The following FGF1 variants were observed in gnomAD, a reference collection of about 807,000 sequenced individuals.
FGF1 encodes beta-endothelial cell growth factor.
Under a neutral mutation model 13.4 loss-of-function variants are expected in FGF1, and 9 were observed. The observed-to-expected ratio is 0.67, with a 90% CI of 0.40 to 1.17. FGF1 has a LOEUF of 1.17. Among genes scored for constraint, FGF1 ranks in the 50% most tolerant of loss-of-function variants. The probability of loss-of-function intolerance (pLI) is 0.01; values close to 1 mark genes in which losing one functional copy is unlikely to be tolerated. For synonymous variants in FGF1, 93 were observed against 79.0 expected (o/e 1.18, Z -0.94); for missense variants, 156 against 192.7 (o/e 0.81, Z 1.13).
At chr5:142,618,190 A>G (rs767533548) in intron 1 of FGF1, among the ~76,000 whole-genome samples, 1 of 152,124 alleles carries the variant, frequency 6.6e-6, no homozygotes, top group African/African-American at 2.4e-5. Flanking sequence ...GGAAATCCAG[A>G]TGATTTTTTT....
intron 1 of FGF1, among the ~76,000 whole-genome samples, chr5:142,674,745 T>C (rs907097006): frequency 1.3e-5 from 2 of 152,122 alleles, no homozygotes; most frequent in African/African-American, 4.8e-5. Context: ...GACTTTAAAG[T>C]GGCCAATTCA....
At chr5:142,666,245 C>CAA (rs368786696) in intron 1 of FGF1, among the ~76,000 whole-genome samples, 86,586 of 86,586 alleles carry the variant, frequency 1, 43,293 homozygotes, top group Non-Finnish European at 1. Flanking sequence ...CATAACCCCA[C>CAA]CAGAATGACT....
At chr5:142,676,278 T>C (rs758898613) in intron 1 of FGF1, among the ~76,000 whole-genome samples, 12 of 152,226 alleles carry the variant, frequency 7.9e-5, no homozygotes, top group Non-Finnish European at 5.9e-5. Context: ...CATATCTTAT[T>C]GAGCAAATAC....
intron 1 of FGF1, among the ~76,000 whole-genome samples, chr5:142,641,536 T>C (rs763899789): frequency 6.6e-6 from 1 of 152,064 alleles, no homozygotes; most frequent in African/African-American, 2.4e-5. Context: ...ACATCAATAA[T>C]GAAAATGAAA....
intron 1 of FGF1, among the ~76,000 whole-genome samples, chr5:142,668,838 A>C (rs553773788): frequency 2.2e-4 from 33 of 152,368 alleles, no homozygotes; most frequent in African/African-American, 7.7e-4. Flanking sequence ...CTAAGTCATA[A>C]ATACCATGAC....
chr5:142,646,932 T>C (rs997610443), intron 1 of FGF1, among the ~76,000 whole-genome samples: 1 of 152,136 alleles, frequency 6.6e-6, no homozygotes, highest in Non-Finnish European at 1.5e-5. Context: ...GATAAATCAA[T>C]CGGAGTTGAA....
chr5:142,668,385 C>T (rs1447330412), intron 1 of FGF1, among the ~76,000 whole-genome samples: 1 of 152,096 alleles, frequency 6.6e-6, no homozygotes, highest in African/African-American at 2.4e-5. Context: ...CTAAAGCTCC[C>T]GCATTCGTGA....
intron 1 of FGF1, among the ~76,000 whole-genome samples, chr5:142,675,143 C>A (rs1269567462): frequency 6.6e-6 from 1 of 152,200 alleles, no homozygotes; most frequent in East Asian, 1.9e-4. Context: ...CTGGATCCAC[C>A]CTGAACCAGC....
intron 2 of FGF1, among the ~76,000 whole-genome samples, chr5:142,613,267 A>C (rs1170146976): frequency 4.6e-5 from 7 of 152,230 alleles, no homozygotes; most frequent in Non-Finnish European, 8.8e-5. Flanking sequence ...GATAGTCAAG[A>C]AGATTCTTTT....
chr5:142,608,663 A>T (rs2151853915), intron 2 of FGF1, among the ~76,000 whole-genome samples: 1 of 145,778 alleles, frequency 6.9e-6, no homozygotes, highest in South Asian at 2.2e-4. Flanking sequence ...TTAAGGTCTG[A>T]AAAAGTTGTC....
chr5:142,623,109 T>C (rs964655361), intron 1 of FGF1, among the ~76,000 whole-genome samples: 4 of 151,260 alleles, frequency 2.6e-5, no homozygotes, highest in African/African-American at 9.9e-5. Flanking sequence ...AAAATTCTCC[T>C]TTTTTTTCCC....
At chr5:142,681,933 G>A (rs996183740) in intron 1 of FGF1, among the ~76,000 whole-genome samples, 1 of 152,210 alleles carries the variant, frequency 6.6e-6, no homozygotes, top group Non-Finnish European at 1.5e-5. Context: ...TCCAAAAGCT[G>A]TTCCATGTCT....
At chr5:142,615,405 G>A (rs1331938298) in intron 1 of FGF1, among the ~76,000 whole-genome samples, 6 of 152,158 alleles carry the variant, frequency 3.9e-5, no homozygotes, top group Non-Finnish European at 7.3e-5. Flanking sequence ...TATATTTTTA[G>A]TAGAGATGGG....
rs77284157 is a variant in FGF1, at chr5:142,612,617, C to CTT, written c.169+1340_169+1341dup. 2.7e-3 allele frequency among the ~76,000 whole-genome samples: 406 copies of CTT among 148,542 alleles called. 4 individuals are homozygous for CTT. In the East Asian group the frequency reaches 0.036, roughly 13 times the overall value. ...TGTATGCTATTTAACAAACTAGAGT[C>CTT]TTTTTTTTTTGCCTCATTCTGACAC... On this transcript the variant is annotated intron_variant, in intron 2 of 3. Transcript: ENST00000337706.
chr5:142,610,874 C>A (rs1432822402), intron 2 of FGF1, among the ~76,000 whole-genome samples: 1 of 152,182 alleles, frequency 6.6e-6, no homozygotes, highest in East Asian at 1.9e-4. Context: ...CTTGGAAACT[C>A]ATTCTCCTAG....
chr5:142,626,392 G>A (rs1329272469), intron 1 of FGF1, among the ~76,000 whole-genome samples: 1 of 152,204 alleles, frequency 6.6e-6, no homozygotes, highest in Non-Finnish European at 1.5e-5. Context: ...AATATTAAAA[G>A]TAATGGCAAA....
chr5:142,684,407 TTG>T (rs1399276418), intron 1 of FGF1, among the ~76,000 whole-genome samples: 8 of 152,232 alleles, frequency 5.3e-5, no homozygotes, highest in Non-Finnish European at 1.5e-5. Flanking sequence ...AAGAAACTCA[TTG>T]TGTTTTCTCT....
intron 1 of FGF1, among the ~76,000 whole-genome samples, chr5:142,663,542 A>G (rs1202774101): frequency 6.6e-6 from 1 of 152,198 alleles, no homozygotes; most frequent in Non-Finnish European, 1.5e-5. Context: ...TTGGAAAGAT[A>G]GCCAAGAGGT....
Position 142,646,372 on chromosome 5 carries a change from G to T in FGF1, c.-34-32211C>A, listed in dbSNP as rs139777208. The stretch of plus-strand genomic sequence containing the variant: ...CCGTGCCCAGCTAATTTTTTTTTGA[G>T]AGGAGACTTGCTCTGTCCCCCAGAC... On this transcript the variant is annotated intron_variant, in intron 1 of 3. Transcript: ENST00000337706. 5.5e-3 allele frequency among the ~76,000 whole-genome samples: 829 copies of T among 150,932 alleles called. 3 individuals are homozygous for T. The highest frequency in any genetic ancestry group is 0.019 in the African/African-American group (780 of 41,124).
Sources: allele counts gnomAD v4.1 joint callset (sites outside exome capture counted in the v4.1 genomes callset), GRCh38; gene constraint gnomAD v4.1.1; transcripts MANE v1.5; gene names NCBI Gene and HGNC (gene_info 2026-07-23, HGNC 2026-07-21).